TMEM67: variants seen among roughly 807,000 people sequenced by gnomAD.
The protein encoded by TMEM67 is transmembrane protein 67, also known as meckelin.
TMEM67 carries 124 observed loss-of-function variants against 136.6 expected under a neutral mutation model. The observed-to-expected ratio is 0.91, with a 90% CI of 0.78 to 1.05. The LOEUF (loss-of-function observed/expected upper bound fraction) is 1.05. TMEM67 is among the 50% of genes least tolerant of loss of function. The pLI, the probability that TMEM67 is intolerant of heterozygous loss-of-function variation, is 0.00. For missense variants in TMEM67, 1,107 were observed against 1,178.4 expected (o/e 0.94, Z 0.89); for synonymous variants, 364 against 390.5 (o/e 0.93, Z 0.80).
At chr8:93,768,980 AAAC>A (rs951612968) in intron 6 of TMEM67, among the ~76,000 whole-genome samples, 5 of 152,122 alleles carry the variant, frequency 3.3e-5, no homozygotes, top group Non-Finnish European at 5.9e-5. Flanking sequence ...ATTAAAAAAA[AAAC>A]AAAACCACCT....
chr8:93,779,833 G>C (rs1262574667), intron 7 of TMEM67, among the ~76,000 whole-genome samples: 5 of 152,216 alleles, frequency 3.3e-5, no homozygotes, highest in Admixed American at 1.3e-4. Flanking sequence ...CAGGGTCAGG[G>C]ATCCACTTGA....
intron 7 of TMEM67, among the ~76,000 whole-genome samples, chr8:93,778,310 T>G (rs984467406): frequency 3.3e-5 from 5 of 152,220 alleles, no homozygotes; most frequent in African/African-American, 9.7e-5. Context: ...TTTATCCAAT[T>G]TGCCAGTCTG....
chr8:93,755,837 A>G lies in TMEM67; in HGVS notation c.283A>G (p.Ile95Val), dbSNP rs758638902. 6 of 1,577,876 alleles carry G rather than the reference A, an allele frequency of 3.8e-6. No homozygotes were observed. Among genetic ancestry groups the G allele is most frequent in the East Asian group, 2.3e-5 (1 of 43,810 alleles). The stretch of plus-strand genomic sequence containing the variant: ...GATCTCTAATAATGGAGGACCTGCT[A>G]TTATTTGTAAAAAGTGCCCAGAAAA... The part of the protein sequence containing the change: ...QMISNNGGPA[I>V]ICKKCPENMK... Residue 95 changes from isoleucine (I) to valine (V), a missense_variant, in exon 2 of 28, where the codon ATT becomes GTT. Physicochemically the swap from Ile to Val is conservative, Grantham distance 29 (BLOSUM62 3). Transcript: ENST00000453321.
chr8:93,790,747 CCTT>C (rs1814339330), intron 14 of TMEM67, among the ~76,000 whole-genome samples: 1 of 152,312 alleles, frequency 6.6e-6, no homozygotes, highest in East Asian at 1.9e-4. Context: ...ACCTCCTCCT[CCTT>C]CTTGAAACTC....
chr8:93,832,357 T>C, the TMEM67 span, among the ~76,000 whole-genome samples: 1 of 152,234 alleles, frequency 6.6e-6, no homozygotes, highest in Non-Finnish European at 1.5e-5. Context: ...CTTCCATTGA[T>C]ACAACCACCC....
intron 1 of TMEM67, 27 bp from the exon 2 acceptor site, chr8:93,755,751 C>CTTTTTTTTTTTTTTTTTT: frequency 7.9e-6 from 5 of 632,468 alleles, no homozygotes; most frequent in South Asian, 6.7e-5. Flanking sequence ...ATAAAATTGG[C>CTTTTTTTTTTTTTTTTTT]TTTTTTTTTT....
chr8:93,808,559 A>G (rs1041638399), intron 23 of TMEM67, among the ~76,000 whole-genome samples: 1 of 58,530 alleles, frequency 1.7e-5, no homozygotes, highest in East Asian at 2.7e-4. Context: ...TATCTATAAT[A>G]TATCTATTAT....
At chr8:93,818,138 G>A (rs1808974152), downstream of TMEM67, 1 of 152,056 alleles carries the variant, frequency 6.6e-6, no homozygotes, top group Non-Finnish European at 1.5e-5. Flanking sequence ...CGACTCCTTT[G>A]TTCACATTGT....
At chr8:93,815,872 G>GCAACT (rs1382674242) in intron 27 of TMEM67, among the ~76,000 whole-genome samples, 8 of 152,174 alleles carry the variant, frequency 5.3e-5, no homozygotes, top group African/African-American at 1.9e-4. Context: ...TGGATAAAAA[G>GCAACT]CAACTTCATG....
At chr8:93,827,573 TTTTTTC>T in the TMEM67 span, among the ~76,000 whole-genome samples, 2 of 133,520 alleles carry the variant, frequency 1.5e-5, no homozygotes, top group Non-Finnish European at 3.3e-5. Flanking sequence ...AATTTTTGTA[TTTTTTC>T]TTTTTTTTTT....
At position 93,772,587 on chromosome 8, in the gene TMEM67, AG is replaced by A. The variant is rs1203449729; in HGVS notation, c.653del. The A allele has an allele frequency of 6.2e-7, 1 of 1,610,630 alleles. No homozygotes were observed. Among genetic ancestry groups the A allele is most frequent in the Non-Finnish European group, 8.5e-7 (1 of 1,177,470 alleles). On this transcript the variant is annotated splice_acceptor_variant, in intron 6 of 27. Transcript: ENST00000453321. LOFTEE classifies it high-confidence loss of function. ...AAATAAAATGTATCTTTTTGTTTAC[AG>A]GGCATGTCTTTAACTTCAGAATGGT...
chr8:93,813,503 G>A (rs942174229), intron 26 of TMEM67, among the ~76,000 whole-genome samples: 1 of 152,184 alleles, frequency 6.6e-6, no homozygotes, highest in Non-Finnish European at 1.5e-5. Context: ...TTCATCAAGA[G>A]ATGATGAGAC....
intron 26 of TMEM67, among the ~76,000 whole-genome samples, chr8:93,811,562 A>T (rs1273632131): frequency 6.6e-6 from 1 of 152,132 alleles, no homozygotes; most frequent in Non-Finnish European, 1.5e-5. Flanking sequence ...TTTTTGCCCC[A>T]CAAGATGTAT....
intron 6 of TMEM67, among the ~76,000 whole-genome samples, chr8:93,770,929 C>T (rs1317300735): frequency 2.0e-5 from 3 of 151,774 alleles, no homozygotes; most frequent in Non-Finnish European, 2.9e-5. Context: ...GCAGGAGAAT[C>T]GCTTGAACCC....
At chr8:93,765,501 A>G (rs765635951) in intron 5 of TMEM67, 26 bp downstream of exon 5, 1 of 1,606,122 alleles carries the variant, frequency 6.2e-7, no homozygotes. Context: ...TTGATAAAGT[A>G]TATATATTTT....
intron 15 of TMEM67, 131 bp from the exon 16 acceptor site, chr8:93,793,067 G>A (rs1024996836): frequency 2.6e-5 from 21 of 802,340 alleles, no homozygotes; most frequent in Middle Eastern, 5.6e-4. Context: ...CACTGTGCCC[G>A]GCTGACTCCT....
Position 93,816,563 on chromosome 8 carries a change from T to C in TMEM67, c.*111T>C. ...AACTTATAATGCAGACTATTCTGTT[T>C]TTGTTTTTTATTTGCAGAAAGATTT... On this transcript the variant is annotated 3_prime_UTR_variant, in exon 28 of 28. Coordinates refer to ENST00000453321, the MANE Select transcript of TMEM67 (RefSeq NM_153704.6). 1 of 580,832 alleles carries C rather than the reference T, an allele frequency of 1.7e-6. No homozygotes were observed. Among genetic ancestry groups the C allele is most frequent in the South Asian group, 2.6e-5 (1 of 38,924 alleles). The allele number at this position is 580,832 out of a possible 1,614,324, so 36.0% of individuals were successfully genotyped here. A position where few individuals can be genotyped will look rare whatever the true frequency, so the allele number is the denominator to read the frequency against.
chr8:93,801,515 C>T (rs1415875082), intron 21 of TMEM67, among the ~76,000 whole-genome samples: 1 of 151,998 alleles, frequency 6.6e-6, no homozygotes, highest in African/African-American at 2.4e-5. Context: ...GATTCTCCTG[C>T]CTCAGCCTCC....
chr8:93,808,925 A>T lies in TMEM67; in HGVS notation c.2525A>T (p.His842Leu), dbSNP rs778228298. The T allele has an allele frequency of 1.7e-5, 28 of 1,611,422 alleles. No individual in the cohort carries two copies. Among genetic ancestry groups the T allele is most frequent in the Non-Finnish European group, 2.3e-5 (27 of 1,177,810 alleles). ...GCAATTTCTAACCAGATGAGACAAC[A>T]TTATGACAGAATTCATGAGACACTA... is the stretch of plus-strand genomic sequence containing the variant. ...EIAISNQMRQ[H>L]YDRIHETLIR... Residue 842 changes from histidine to leucine, a missense_variant, in exon 24 of 28, where the codon CAT (histidine) becomes CTT (leucine). Around this residue, in one of 3 missense-constraint regions of TMEM67, gnomAD observed 925 missense variants for 1,002.4 expected, o/e 0.92. Coordinates refer to ENST00000453321, the MANE Select transcript of TMEM67 (RefSeq NM_153704.6).
Sources: gnomAD v4.1 joint callset for allele counts (sites outside exome capture counted in the v4.1 genomes callset) on GRCh38, gnomAD v4.1.1 for gene constraint, gnomAD v4.1.1 regional missense constraint, MANE v1.5 for transcripts, NCBI Gene and HGNC (gene_info 2026-07-23, HGNC 2026-07-21) for gene names.